AKAP13: variants seen among roughly 807,000 people sequenced by gnomAD.
The protein encoded by AKAP13 is A-kinase anchoring protein 13.
In AKAP13, 80 loss-of-function variants were observed where a neutral mutation model predicts 264.5. The ratio of observed to expected loss-of-function variants is 0.30; its 90% CI spans 0.25 to 0.36. AKAP13 has a LOEUF of 0.36. Among genes scored for constraint, AKAP13 ranks in the 10% least tolerant of loss-of-function variants. AKAP13 has a pLI of 1.00. For missense variants in AKAP13, 3,712 were observed against 3,435.2 expected (o/e 1.08, Z -2.01); for synonymous variants, 1,380 against 1,250.2 (o/e 1.10, Z -2.19).
chr15:85,522,148 G>A (rs2076844933), intron 3 of AKAP13, among the ~76,000 whole-genome samples: 1 of 152,126 alleles, frequency 6.6e-6, no homozygotes, highest in Non-Finnish European at 1.5e-5. Context: ...CATTTATTAT[G>A]TGTTGGTGAT....
chr15:85,483,208 G>A (rs2075401854), intron 1 of AKAP13, among the ~76,000 whole-genome samples: 1 of 152,180 alleles, frequency 6.6e-6, no homozygotes, highest in Admixed American at 6.5e-5. Context: ...AAACATCAGA[G>A]GGCTGCTAAG....
chr15:85,735,335 C>T (rs1453914592), intron 31 of AKAP13, among the ~76,000 whole-genome samples, 185 bp downstream of exon 31: 2 of 152,260 alleles, frequency 1.3e-5, no homozygotes, highest in East Asian at 3.9e-4. Flanking sequence ...AAAGATTTTC[C>T]TAAGATCTCA....
intron 1 of AKAP13, among the ~76,000 whole-genome samples, chr15:85,425,488 G>C (rs1442905070): frequency 6.6e-6 from 1 of 152,068 alleles, no homozygotes; most frequent in Non-Finnish European, 1.5e-5. Flanking sequence ...GGCCAAGGTG[G>C]GCAGATCACT....
At chr15:85,541,692 A>T (rs1056413382) in intron 4 of AKAP13, among the ~76,000 whole-genome samples, 10 of 152,368 alleles carry the variant, frequency 6.6e-5, no homozygotes, top group Non-Finnish European at 1.2e-4. Flanking sequence ...CTTCATTTGC[A>T]CAATGAAGAT....
At position 85,718,038 on chromosome 15, in the gene AKAP13, A is replaced by T; in HGVS notation, c.5880A>T (p.Leu1960=). The T allele has an allele frequency of 6.2e-7, 1 of 1,614,174 alleles. No individual in the cohort carries two copies. Among genetic ancestry groups the T allele is most frequent in the South Asian group, 1.1e-5 (1 of 91,086 alleles). Residue 1960 remains leucine, a synonymous_variant, in exon 22 of 37, where the codon CTA becomes CTT. Transcript: ENST00000394518. The surrounding 1 kb of genome is among the most constrained non-coding windows in gnomAD (Gnocchi z 4.9). ...GTACAGACATGAATGAAGGACAACT[A>T]CTGGGAGACTTTGAGATTGAGTCCA... ...GVGTDMNEGQ[L]LGDFEIESKQ... is the part of the protein sequence containing the mutation.
At chr15:85,736,955 G>C (rs2088574880) in intron 33 of AKAP13, among the ~76,000 whole-genome samples, 1 of 111,912 alleles carries the variant, frequency 8.9e-6, no homozygotes, top group Non-Finnish European at 1.7e-5. Context: ...ATCTTGCTCT[G>C]TTGTCCAGGC....
chr15:85,671,745 C>T (rs137912874), intron 14 of AKAP13, among the ~76,000 whole-genome samples: 1 of 152,008 alleles, frequency 6.6e-6, no homozygotes, highest in East Asian at 1.9e-4. Context: ...AATGCTAGCA[C>T]TCAGTAGCCA....
chr15:85,715,046 C>G (rs1597152630), intron 19 of AKAP13, among the ~76,000 whole-genome samples: 1 of 152,128 alleles, frequency 6.6e-6, no homozygotes. Context: ...TTCTTTATCC[C>G]CGTTGCCTGT....
chr15:85,455,473 G>A (rs1342823127), intron 1 of AKAP13, among the ~76,000 whole-genome samples: 5 of 152,042 alleles, frequency 3.3e-5, no homozygotes, highest in Non-Finnish European at 7.4e-5. Context: ...AAGCATGAGC[G>A]GCGGGAGGGG....
intron 8 of AKAP13, among the ~76,000 whole-genome samples, chr15:85,590,522 A>T (rs1055667156): frequency 6.6e-6 from 1 of 152,206 alleles, no homozygotes; most frequent in African/African-American, 2.4e-5. Flanking sequence ...ATCATAGTTC[A>T]TGAAGGAATT....
Position 85,575,127 on chromosome 15 carries a change from G to T in AKAP13, c.663-4G>T. 1.2e-6 allele frequency: 2 copies of T among 1,613,840 alleles called. No individual in the cohort carries two copies. The highest frequency in any genetic ancestry group is 1.3e-5 in the African/African-American group (1 of 75,020). ...ATATATTAACCAGAGATGCTTGCAT[G>T]TAGGGAGAATGCTGGAGAACCAGAC... is the stretch of plus-strand genomic sequence containing the variant. On this transcript the variant is annotated splice_region_variant and splice_polypyrimidine_tract_variant and intron_variant, in intron 5 of 36. Transcript: ENST00000394518.
chr15:85,704,954 CAAGTT>C (rs1266098298), intron 17 of AKAP13, among the ~76,000 whole-genome samples: 1 of 152,188 alleles, frequency 6.6e-6, no homozygotes, highest in Non-Finnish European at 1.5e-5. Context: ...AACTTGGAAA[CAAGTT>C]GAGTGTTTTT....
At chr15:85,705,123 T>G (rs1478560366) in intron 17 of AKAP13, among the ~76,000 whole-genome samples, 1 of 152,236 alleles carries the variant, frequency 6.6e-6, no homozygotes, top group Non-Finnish European at 1.5e-5. Flanking sequence ...TGTGAAAAGT[T>G]CTTTACTAGA....
chr15:85,503,453 G>C (rs2076092825), intron 2 of AKAP13, among the ~76,000 whole-genome samples: 1 of 152,204 alleles, frequency 6.6e-6, no homozygotes, highest in South Asian at 2.1e-4. Context: ...TAATCTTGTA[G>C]TTGACAGTGT....
intron 1 of AKAP13, among the ~76,000 whole-genome samples, chr15:85,442,487 T>TCTC (rs1567059581): frequency 1.8e-5 from 2 of 109,916 alleles, no homozygotes; most frequent in East Asian, 4.7e-4. Context: ...ATATAATATA[T>TCTC]ATAATATATA....
At position 85,506,225 on chromosome 15, in the gene AKAP13, A is replaced by C. The variant is rs1301391489; in HGVS notation, c.34-15203A>C. Among the ~76,000 whole-genome samples, 15 of 152,330 alleles carry C rather than the reference A, an allele frequency of 9.8e-5. No homozygotes were observed. The East Asian group carries it at 2.3e-3, about 24-fold the overall frequency. On this transcript the variant is annotated intron_variant, in intron 2 of 36. Transcript: ENST00000394518. ...CTTGAACCCATGAAGTGGAGGTTGC[A>C]GTGAGCTGAGATTGTGCCACTGCAC...
At chr15:85,513,718 C>T (rs1007923489) in intron 2 of AKAP13, among the ~76,000 whole-genome samples, 1 of 152,202 alleles carries the variant, frequency 6.6e-6, no homozygotes, top group Non-Finnish European at 1.5e-5. Flanking sequence ...CTTTAGTTGT[C>T]ATGTCTCTTA....
intron 8 of AKAP13, among the ~76,000 whole-genome samples, chr15:85,621,960 C>T (rs912212392): frequency 1.3e-5 from 2 of 152,154 alleles, no homozygotes; most frequent in Non-Finnish European, 2.9e-5. Context: ...AGAAAATAGT[C>T]ATTAGTAAAT....
chr15:85,629,659 C>T (rs948945412), intron 8 of AKAP13, among the ~76,000 whole-genome samples: 2 of 151,146 alleles, frequency 1.3e-5, no homozygotes, highest in Non-Finnish European at 2.9e-5. Flanking sequence ...TTCTTCCTCT[C>T]TAAAATGGCA....
Sources: allele counts gnomAD v4.1 joint callset (sites outside exome capture counted in the v4.1 genomes callset), GRCh38; gene constraint gnomAD v4.1.1; non-coding constraint Gnocchi (gnomAD v3.1); transcripts MANE v1.5; gene names NCBI Gene and HGNC (gene_info 2026-07-23, HGNC 2026-07-21).